The following RTKN2 variants were observed in gnomAD, a reference collection of about 807,000 sequenced individuals.
RTKN2 encodes the protein rhotekin-2.
RTKN2 carries 69 observed loss-of-function variants against 71.5 expected under a neutral mutation model. The ratio of observed to expected loss-of-function variants is 0.96; its 90% CI spans 0.79 to 1.18. RTKN2 has a LOEUF of 1.18. RTKN2 is among the 50% of genes most tolerant of loss of function. The pLI is 0.00. For missense variants in RTKN2, 724 were observed against 719.7 expected, an observed-to-expected ratio of 1.01 and a Z score of -0.07; for synonymous variants, 236 against 236.5, an observed-to-expected ratio of 1.00 and a Z score of 0.02.
chr10:62,262,705 C>G lies in RTKN2; in HGVS notation c.177G>C (p.Met59Ile). 1 of 1,613,598 alleles carries G rather than the reference C, an allele frequency of 6.2e-7. No homozygotes were observed. Among genetic ancestry groups the G allele is most frequent in the Non-Finnish European group, 8.5e-7 (1 of 1,179,620 alleles). ...DQVLHAVKNL[M>I]VCNARLMAYT... ...AGGCCATTAGTCGAGCATTGCACAC[C>G]ATGAGATTCTTAACTGCATGTAAAA... The change falls in exon 2 of 12, where the codon ATG (methionine) becomes ATC (isoleucine). Residue 59 changes from methionine (M) to isoleucine (I), a missense_variant. Met to Ile is a conservative substitution (Grantham distance 10). Coordinates refer to ENST00000373789, the MANE Select transcript of RTKN2 (RefSeq NM_145307.4).
rs543864893 is a variant in RTKN2, at chr10:62,212,360, C to T, written c.1020+4758G>A. Among the ~76,000 whole-genome samples, 5 of 151,014 alleles carry T rather than the reference C, an allele frequency of 3.3e-5. No individual in the cohort carries two copies. The South Asian group carries it at 6.3e-4, about 19-fold the overall frequency. ...ATCCAGCCTGGGCAACAGAGTAAGA[C>T]TCTGTCTCAAAAATAAATAAATAAA... On this transcript the variant is annotated intron_variant, in intron 9 of 11. Transcript: ENST00000373789.
chr10:62,247,690 A>G (rs779722598), intron 2 of RTKN2, among the ~76,000 whole-genome samples: 2 of 152,048 alleles, frequency 1.3e-5, no homozygotes, highest in African/African-American at 2.4e-5. Context: ...TCAATTGAAC[A>G]GTTTATTATC....
chr10:62,236,618 T>C (rs1185505199), intron 5 of RTKN2, among the ~76,000 whole-genome samples: 2 of 152,076 alleles, frequency 1.3e-5, no homozygotes, highest in Non-Finnish European at 2.9e-5. Flanking sequence ...CTTGTGAAGT[T>C]ATCTGCACTC....
intron 5 of RTKN2, chr10:62,238,574 A>T (rs528051288): frequency 7.9e-5 from 12 of 152,114 alleles, no homozygotes; most frequent in African/African-American, 2.9e-4. Flanking sequence ...ATAACCAAGA[A>T]AAAAGTAATT....
chr10:62,217,283 C>T, intron 8 of RTKN2, 34 bp from the exon 9 acceptor site: 6 of 1,421,656 alleles, frequency 4.2e-6, no homozygotes, highest in South Asian at 1.4e-5. Flanking sequence ...AAGAGACTAT[C>T]AATTTTAAGT....
intron 9 of RTKN2, among the ~76,000 whole-genome samples, chr10:62,205,347 T>A (rs1159535322): frequency 6.6e-6 from 1 of 152,202 alleles, no homozygotes; most frequent in African/African-American, 2.4e-5. Context: ...GTCTTTTATA[T>A]ACATCTTAAA....
intron 6 of RTKN2, among the ~76,000 whole-genome samples, chr10:62,228,474 G>A (rs1430002595): frequency 6.6e-6 from 1 of 152,162 alleles, no homozygotes; most frequent in Non-Finnish European, 1.5e-5. Context: ...GTAACATGAG[G>A]TAAGCCAACT....
intron 7 of RTKN2, among the ~76,000 whole-genome samples, chr10:62,221,684 A>G (rs1841910567): frequency 1.3e-5 from 2 of 152,208 alleles, no homozygotes; most frequent in Admixed American, 1.3e-4. Flanking sequence ...AGGAGATTTT[A>G]TCATACCTCT....
chr10:62,194,593 A>G lies in RTKN2; in HGVS notation c.*3315T>C. 1.0e-6 allele frequency: 1 copy of G among 985,458 alleles called. No individual in the cohort carries two copies. The highest frequency in any genetic ancestry group is 1.2e-6 in the Non-Finnish European group (1 of 829,930). 61.0% of individuals were successfully genotyped at this position (985,458 alleles called of 1,614,324 possible). On this transcript the variant is annotated 3_prime_UTR_variant, in exon 12 of 12. Transcript: ENST00000373789. ...CAATGCAGTACTCTGTCCATGTAGT[A>G]TAGTTGTGCCTCATTCGTGGTAACA...
chr10:62,203,620 C>T (rs1841492020), intron 10 of RTKN2, among the ~76,000 whole-genome samples: 1 of 152,244 alleles, frequency 6.6e-6, no homozygotes, highest in African/African-American at 2.4e-5. Context: ...GCTGGGATTA[C>T]AGGCGTGAGC....
rs750887714 is a variant in RTKN2, at chr10:62,236,028, A to G, written c.686+38T>C. 67 of 1,343,564 alleles carry G rather than the reference A, an allele frequency of 5.0e-5. 1 individual carries two copies. In the East Asian group the frequency reaches 1.5e-3, roughly 30 times the overall value. 83.2% of individuals were successfully genotyped at this position (1,343,564 alleles called of 1,614,324 possible). On this transcript the variant is annotated intron_variant, in intron 6 of 11. Coordinates refer to ENST00000373789, the MANE Select transcript of RTKN2 (RefSeq NM_145307.4). ...TAATACTTTAAAATATCACAAATGT[A>G]TAATTATGTCACCATAAATACAGTA... is the stretch of plus-strand genomic sequence containing the variant.
intron 1 of RTKN2, among the ~76,000 whole-genome samples, chr10:62,266,420 G>GAAGAAGAAA (rs1402979620): frequency 6.6e-6 from 1 of 152,184 alleles, no homozygotes; most frequent in African/African-American, 2.4e-5. Context: ...AGACCAAGGT[G>GAAGAAGAAA]AAGAAGAAAA....
intron 10 of RTKN2, among the ~76,000 whole-genome samples, chr10:62,203,588 G>A (rs1188576514): frequency 2.6e-5 from 4 of 152,156 alleles, no homozygotes; most frequent in African/African-American, 7.2e-5. Flanking sequence ...CAGGTGATCC[G>A]CCTGCCTCGG....
rs370475350 is a variant in RTKN2 at position 62,199,756 on chromosome 10, A to G, written c.1292T>C (p.Met431Thr). 1.9e-6 allele frequency: 3 copies of G among 1,590,138 alleles called. No homozygotes were observed. Among genetic ancestry groups the G allele is most frequent in the African/African-American group, 1.3e-5 (1 of 74,340 alleles). Residue 431 changes from methionine to threonine, a missense_variant and splice_region_variant, in exon 11 of 12, where the codon ATG becomes ACG. Physicochemically the swap from Met to Thr is moderately conservative, Grantham distance 81. Transcript: ENST00000373789. ...TKEATSVYHD[M>T]SIDSPMKLES... Reference sequence around the variant, plus strand: ...TAGAAAAGACAAACCCCACTTACTCATATCATGGTAGACTGAGGTTGCCTC... The same window carrying G: ...TAGAAAAGACAAACCCCACTTACTCGTATCATGGTAGACTGAGGTTGCCTC...
At chr10:62,257,794 CA>C (rs1377037183) in intron 2 of RTKN2, among the ~76,000 whole-genome samples, 1 of 152,130 alleles carries the variant, frequency 6.6e-6, no homozygotes, top group Non-Finnish European at 1.5e-5. Flanking sequence ...GTTTACTAGT[CA>C]AAAGTCCAGC....
chr10:62,226,779 G>C (rs897577774), intron 6 of RTKN2, among the ~76,000 whole-genome samples: 2 of 152,144 alleles, frequency 1.3e-5, no homozygotes, highest in African/African-American at 4.8e-5. Context: ...AAAAGTTGAA[G>C]TATTAAAGAA....
intron 2 of RTKN2, among the ~76,000 whole-genome samples, chr10:62,257,160 T>C (rs78897889): frequency 0.016 from 2,513 of 152,310 alleles, 63 homozygotes; most frequent in African/African-American, 0.057. Flanking sequence ...ACCTCAGCTA[T>C]GAGTTGCCTC....
At chr10:62,218,161 T>C (rs759747176) in intron 8 of RTKN2, 34 bp downstream of exon 8, 1 of 1,319,090 alleles carries the variant, frequency 7.6e-7, no homozygotes, top group South Asian at 1.2e-5. Context: ...AAAGTAGAGC[T>C]ACAATTGTTG....
chr10:62,246,020 T>C lies in RTKN2; in HGVS notation c.295A>G (p.Lys99Glu). The change falls in exon 3 of 12, where the codon AAA becomes GAA. Residue 99 changes from lysine (K) to glutamate (E), a missense_variant. Coordinates refer to ENST00000373789, the MANE Select transcript of RTKN2 (RefSeq NM_145307.4). ...KFESKERTAC[K>E]GKIAISDIRI... is the part of the protein sequence containing the mutation. ...ATACCTGATATGGCAATCTTTCCTT[T>C]ACATGCTGTTCGTTCTTTACTTTCA... is the stretch of plus-strand genomic sequence containing the variant. The C allele has an allele frequency of 6.3e-7, 1 of 1,595,666 alleles. No individual in the cohort carries two copies. Among genetic ancestry groups the C allele is most frequent in the Non-Finnish European group, 8.5e-7 (1 of 1,170,586 alleles).
Sources: allele counts gnomAD v4.1 joint callset (sites outside exome capture counted in the v4.1 genomes callset), GRCh38; gene constraint gnomAD v4.1.1; transcripts MANE v1.5; gene names NCBI Gene and HGNC (gene_info 2026-07-23, HGNC 2026-07-21).